Variants in NLGN1 observed in about 807,000 individuals in gnomAD.
NLGN1 encodes the protein neuroligin 1.
Under a neutral mutation model 65.5 loss-of-function variants are expected in NLGN1, and 12 were observed. The observed-to-expected ratio is 0.18, with a 90% CI of 0.12 to 0.30. The LOEUF is 0.30. Ranked by LOEUF, NLGN1 falls within the 10% of genes least tolerant of loss-of-function variation. NLGN1 has a pLI of 1.00. For missense variants in NLGN1, 750 were observed against 1,007.1 expected (o/e 0.74, Z 3.46); for synonymous variants, 350 against 359.5 (o/e 0.97, Z 0.30).
chr3:173,481,142 C>T (rs1156404527), intron 2 of NLGN1, among the ~76,000 whole-genome samples: 3 of 151,860 alleles, frequency 2.0e-5, no homozygotes, highest in Non-Finnish European at 4.4e-5. Flanking sequence ...TCTGTGCCCC[C>T]AATAACACAA....
At chr3:173,878,789 T>G (rs1732671564) in intron 4 of NLGN1, among the ~76,000 whole-genome samples, 1 of 152,062 alleles carries the variant, frequency 6.6e-6, no homozygotes, top group African/African-American at 2.4e-5. Flanking sequence ...AGAAAACAAT[T>G]ATCCCTTGCA....
At chr3:174,048,750 A>G (rs1233649545) in intron 4 of NLGN1, among the ~76,000 whole-genome samples, 2 of 152,064 alleles carry the variant, frequency 1.3e-5, no homozygotes, top group African/African-American at 4.8e-5. Flanking sequence ...TGTATGAATT[A>G]TCATCAAAGA....
chr3:174,113,051 T>G (rs1670456681), intron 4 of NLGN1, among the ~76,000 whole-genome samples: 1 of 151,916 alleles, frequency 6.6e-6, no homozygotes. Flanking sequence ...AGAAATATTG[T>G]TAGATAGGAT....
rs528409692 is a variant in NLGN1, at chr3:173,999,322, T to C, written c.646+191490T>C. Among the ~76,000 whole-genome samples, 38 of 152,272 alleles carry C rather than the reference T, an allele frequency of 2.5e-4. 1 individual carries two copies. In the South Asian group the frequency reaches 7.7e-3, roughly 31 times the overall value. ...TTTCAAGGAGTTTTCAAGAAAGCTT[T>C]GAGATGATATTTTTTTTTTCCAACT... On this transcript the variant is annotated intron_variant, in intron 4 of 6. Transcript: ENST00000457714.
intron 3 of NLGN1, among the ~76,000 whole-genome samples, chr3:173,756,259 T>G (rs1777101469): frequency 6.6e-6 from 1 of 151,914 alleles, no homozygotes; most frequent in Non-Finnish European, 1.5e-5. Context: ...AAAATCAAAG[T>G]ATAAATTTTT....
chr3:173,736,261 T>G, intron 3 of NLGN1, among the ~76,000 whole-genome samples: 1 of 152,102 alleles, frequency 6.6e-6, no homozygotes, highest in Admixed American at 6.6e-5. Flanking sequence ...TCTCCACTTC[T>G]TACTCACAGA....
intron 4 of NLGN1, among the ~76,000 whole-genome samples, chr3:173,997,993 A>C (rs1384842250): frequency 1.3e-5 from 2 of 152,178 alleles, no homozygotes; most frequent in Non-Finnish European, 2.9e-5. Context: ...GGCAACATCA[A>C]TACGAGTTTC....
intron 2 of NLGN1, among the ~76,000 whole-genome samples, chr3:173,535,705 T>C (rs1737322445): frequency 1.3e-5 from 2 of 152,240 alleles, no homozygotes; most frequent in Admixed American, 1.3e-4. Flanking sequence ...AATGGATTTA[T>C]ACATTTTTAA....
At chr3:173,805,002 G>A (rs1251834288) in intron 3 of NLGN1, among the ~76,000 whole-genome samples, 1 of 152,026 alleles carries the variant, frequency 6.6e-6, no homozygotes, top group Non-Finnish European at 1.5e-5. Context: ...CTCCAGCCTG[G>A]GTGACGAGAG....
chr3:174,160,853 A>G (rs1434301340), intron 4 of NLGN1, among the ~76,000 whole-genome samples: 1 of 151,542 alleles, frequency 6.6e-6, no homozygotes, highest in African/African-American at 2.4e-5. Context: ...CTGTTGTACT[A>G]TCAAATACTA....
At chr3:173,892,415 TTA>T (rs1268202788) in intron 4 of NLGN1, among the ~76,000 whole-genome samples, 1 of 152,036 alleles carries the variant, frequency 6.6e-6, no homozygotes, top group Non-Finnish European at 1.5e-5. Context: ...TATGTATGTT[TTA>T]TATACATCAT....
At position 173,747,801 on chromosome 3, in the gene NLGN1, C is replaced by CTTTTTTTTTTTTTTTTTTTTTTTTT. The variant is rs749749824; in HGVS notation, c.494-59873_494-59849dup. On this transcript the variant is annotated intron_variant, in intron 3 of 6. Transcript: ENST00000457714. ...AATTTTCTTTCTTCTTCTTCTTGTTCTTTTTTTTTTTTTTTTTTTTTTTTT... is the reference window on the plus strand; with the variant it reads ...AATTTTCTTTCTTCTTCTTCTTGTTCTTTTTTTTTTTTTTTTTTTTTTTTTTTTTTTTTTTTTTTTTTTTTTTTTT... Among the ~76,000 whole-genome samples the CTTTTTTTTTTTTTTTTTTTTTTTTT allele has an allele frequency of 2.9e-4, 19 of 64,422 alleles. 4 individuals carry two copies. The highest frequency in any genetic ancestry group is 9.9e-4 in the African/African-American group (16 of 16,084). 42.3% of individuals were successfully genotyped at this position (64,422 alleles called of 152,430 possible). A position where few individuals can be genotyped will look rare whatever the true frequency, so the allele number is the denominator to read the frequency against.
chr3:174,054,456 T>A (rs1475761029), intron 4 of NLGN1, among the ~76,000 whole-genome samples: 13 of 152,036 alleles, frequency 8.6e-5, no homozygotes, highest in Non-Finnish European at 7.4e-5. Context: ...AAGAAGAAAT[T>A]ATTATGTTGG....
At chr3:173,442,738 A>G (rs1453330494) in intron 2 of NLGN1, among the ~76,000 whole-genome samples, 1 of 152,172 alleles carries the variant, frequency 6.6e-6, no homozygotes, top group Non-Finnish European at 1.5e-5. Flanking sequence ...TTGATAATAA[A>G]TACCATGGCA....
chr3:174,017,060 T>G (rs1297575116), intron 4 of NLGN1, among the ~76,000 whole-genome samples: 1 of 152,172 alleles, frequency 6.6e-6, no homozygotes, highest in Non-Finnish European at 1.5e-5. Context: ...GTGATCATAG[T>G]ACACAGAGTC....
chr3:174,287,936 G>T (rs1038785332), downstream of NLGN1, among the ~76,000 whole-genome samples: 3 of 151,520 alleles, frequency 2.0e-5, no homozygotes, highest in African/African-American at 7.3e-5. Flanking sequence ...AGCAATGAAA[G>T]AAATTAGTCA....
intron 3 of NLGN1, among the ~76,000 whole-genome samples, chr3:173,628,230 T>C (rs1755109647): frequency 2.0e-5 from 3 of 152,266 alleles, no homozygotes; most frequent in East Asian, 1.9e-4. Context: ...TTTCTGTTCT[T>C]GTTTATAGGT....
chr3:173,453,467 A>C (rs937687770), intron 2 of NLGN1, among the ~76,000 whole-genome samples: 19 of 152,088 alleles, frequency 1.2e-4, no homozygotes, highest in African/African-American at 4.1e-4. Flanking sequence ...TATAGTGTGC[A>C]AGTCAGTTTG....
At position 174,038,527 on chromosome 3, in the gene NLGN1, G is replaced by A. The variant is rs572869038; in HGVS notation, c.646+230695G>A. On this transcript the variant is annotated intron_variant, in intron 4 of 6. Coordinates refer to ENST00000457714, the Ensembl canonical transcript of NLGN1. Reference sequence around the variant, plus strand: ...CCCTAATGGTGGTCTTTACATCATCGAAGTGCATACTAAAAATAAAGTTTA... The same window carrying A: ...CCCTAATGGTGGTCTTTACATCATCAAAGTGCATACTAAAAATAAAGTTTA... Among the ~76,000 whole-genome samples the A allele has an allele frequency of 3.9e-5, 6 of 152,170 alleles. No individual in the cohort carries two copies. The East Asian group carries it at 5.8e-4, about 15-fold the overall frequency.
Sources: allele counts gnomAD v4.1 joint callset (sites outside exome capture counted in the v4.1 genomes callset), GRCh38; gene constraint gnomAD v4.1.1; transcripts MANE v1.5; gene names NCBI Gene and HGNC (gene_info 2026-07-23, HGNC 2026-07-21).